LRPPRC: variants seen among roughly 807,000 people sequenced by gnomAD.
LRPPRC encodes leucine-rich PPR motif-containing protein, mitochondrial.
A neutral mutation model predicts 180.3 loss-of-function variants in LRPPRC; 120 were observed. The observed-to-expected ratio is 0.67, with a 90% CI of 0.57 to 0.77. The LOEUF (loss-of-function observed/expected upper bound fraction) is 0.77. LRPPRC is among the 30% of genes least tolerant of loss of function. The probability of loss-of-function intolerance (pLI) is 0.00; values close to 1 mark genes in which losing one functional copy is unlikely to be tolerated. For synonymous variants in LRPPRC, 723 were observed against 600.0 expected, an observed-to-expected ratio of 1.21 and a Z score of -3.00; for missense variants, 2,012 against 1,657.2, an observed-to-expected ratio of 1.21 and a Z score of -3.72.
rs958259453 is a variant in LRPPRC at position 43,888,344 on chromosome 2, A to C, written c.*256T>G. Reference sequence around the variant, plus strand: ...GGAAACCAAAGAGCCAATTAGGGGAAGAATCCTGAAAAAGTATGGCTTCAC... The same window carrying C: ...GGAAACCAAAGAGCCAATTAGGGGACGAATCCTGAAAAAGTATGGCTTCAC... On this transcript the variant is annotated 3_prime_UTR_variant, in exon 38 of 38. Transcript: ENST00000260665. 2.6e-5 allele frequency: 10 copies of C among 391,302 alleles called. No individual in the cohort carries two copies. Among genetic ancestry groups the C allele is most frequent in the Non-Finnish European group, 4.7e-5 (10 of 211,792 alleles). The allele number at this position is 391,302 out of a possible 1,614,324, so 24.2% of individuals were successfully genotyped here.
At chr2:43,968,476 A>G (rs1673655191) in intron 11 of LRPPRC, among the ~76,000 whole-genome samples, 1 of 152,246 alleles carries the variant, frequency 6.6e-6, no homozygotes, top group Non-Finnish European at 1.5e-5. Context: ...CAACAGAACT[A>G]TAACATTCTG....
chr2:43,987,043 A>G (rs1425847619), intron 1 of LRPPRC, among the ~76,000 whole-genome samples: 1 of 152,166 alleles, frequency 6.6e-6, no homozygotes, highest in Non-Finnish European at 1.5e-5. Flanking sequence ...GCCTGTTGAT[A>G]CGCTGGATCA....
chr2:43,981,450 G>C (rs912542606), intron 2 of LRPPRC, among the ~76,000 whole-genome samples: 5 of 152,114 alleles, frequency 3.3e-5, no homozygotes, highest in African/African-American at 9.7e-5. Flanking sequence ...CACGAGGTCA[G>C]GAGTTCGAGA....
In LRPPRC at chr2:43,957,637, C is replaced by T. The variant is rs1039505403; in HGVS notation, c.1583-186G>A. 3.9e-5 allele frequency among the ~76,000 whole-genome samples: 6 copies of T among 152,088 alleles called. No homozygotes were observed. In the East Asian group the frequency reaches 9.6e-4, roughly 24 times the overall value. ...TAATATATATCTGCAATATAAGCTACCCTTTTAACGTATTTTTAATTTTCA... is the reference window on the plus strand; with the variant it reads ...TAATATATATCTGCAATATAAGCTATCCTTTTAACGTATTTTTAATTTTCA... On this transcript the variant is annotated intron_variant, in intron 13 of 37. Transcript: ENST00000260665.
intron 30 of LRPPRC, among the ~76,000 whole-genome samples, chr2:43,907,314 G>C (rs918687664): frequency 2.6e-5 from 4 of 152,140 alleles, no homozygotes; most frequent in Non-Finnish European, 4.4e-5. Context: ...TGTAGAAACT[G>C]ACCAATTACA....
In LRPPRC at chr2:43,934,262, C is replaced by A. The variant is rs1672191889; in HGVS notation, c.2664G>T (p.Met888Ile). The change falls in exon 25 of 38, where the codon ATG becomes ATT. Residue 888 changes from methionine to isoleucine, a missense_variant. Met to Ile is a conservative substitution (Grantham distance 10). Coordinates refer to ENST00000260665, the MANE Select transcript of LRPPRC (RefSeq NM_133259.4). The part of the protein sequence containing the change: ...MDFVSQEQGE[M>I]VMLYDLFFAF... ...CAAAGAAGAGATCATAGAGCATCAC[C>A]ATTTCACCTTGTTCTTGGCTCACAA... 6.2e-7 allele frequency: 1 copy of A among 1,610,670 alleles called. No individual in the cohort carries two copies. Among genetic ancestry groups the A allele is most frequent in the Non-Finnish European group, 8.5e-7 (1 of 1,177,598 alleles).
chr2:43,963,600 T>A lies in LRPPRC; in HGVS notation c.1476A>T (p.Arg492=), dbSNP rs2103672743. 1 of 1,595,006 alleles carries A rather than the reference T, an allele frequency of 6.3e-7. No homozygotes were observed. The highest frequency in any genetic ancestry group is 8.6e-7 in the Non-Finnish European group (1 of 1,162,778). Residue 492 remains arginine, a synonymous_variant, in exon 12 of 38, where the codon CGA becomes CGT. Coordinates refer to ENST00000260665, the MANE Select transcript of LRPPRC (RefSeq NM_133259.4). The part of the protein sequence containing the change: ...IPCFDSVNSA[R]AILQENGCLS... Reference sequence around the variant, plus strand: ...CACTTGTACTCACCTGCAAAATGGCTCGTGCTGAGTTTACACTATCAAAGC... The same window carrying A: ...CACTTGTACTCACCTGCAAAATGGCACGTGCTGAGTTTACACTATCAAAGC...
chr2:43,933,853 C>A lies in LRPPRC; in HGVS notation c.2736+337G>T, dbSNP rs957973066. Reference sequence around the variant, plus strand: ...CCACTGCTTTTAAGAACAAAGAATTCTTTGGCAAAGAGGATTAGCAACTTT... The same window carrying A: ...CCACTGCTTTTAAGAACAAAGAATTATTTGGCAAAGAGGATTAGCAACTTT... On this transcript the variant is annotated intron_variant, in intron 25 of 37. Transcript: ENST00000260665. Among the ~76,000 whole-genome samples, 2 of 152,150 alleles carry A rather than the reference C, an allele frequency of 1.3e-5. 1 individual carries two copies. The highest frequency in any genetic ancestry group is 1.3e-4 in the Admixed American group (2 of 15,282).
chr2:43,975,422 A>T (rs1674011789), intron 6 of LRPPRC, among the ~76,000 whole-genome samples: 1 of 152,214 alleles, frequency 6.6e-6, no homozygotes, highest in African/African-American at 2.4e-5. Flanking sequence ...TTAAAAAATA[A>T]TAATAATTAC....
Position 43,995,894 on chromosome 2 carries a change from C to G in LRPPRC, c.54G>C (p.Pro18=), listed in dbSNP as rs1178603088. The change falls in exon 1 of 38, where the codon CCG becomes CCC. Residue 18 remains proline (P), a synonymous_variant. Transcript: ENST00000260665. ...GGAGGCGCAGGGAGAGCGGGAGGCG[C>G]GGGGCCGCCCCGGCACGCAGCAACC... ...ARWLLRAGAA[P]RLPLSLRLLP... is the part of the protein sequence containing the mutation. 1.3e-6 allele frequency: 2 copies of G among 1,510,336 alleles called. No homozygotes were observed. Among genetic ancestry groups the G allele is most frequent in the Non-Finnish European group, 8.8e-7 (1 of 1,137,114 alleles). 93.6% of individuals were successfully genotyped at this position (1,510,336 alleles called of 1,614,324 possible).
At chr2:43,933,244 T>C (rs912478843) in intron 25 of LRPPRC, among the ~76,000 whole-genome samples, 11 of 152,158 alleles carry the variant, frequency 7.2e-5, no homozygotes, top group Non-Finnish European at 1.5e-5. Context: ...ACCGTTCTCT[T>C]CTTCAAAAAA....
At chr2:43,950,899 G>A (rs140650696) in intron 14 of LRPPRC, among the ~76,000 whole-genome samples, 3 of 152,112 alleles carry the variant, frequency 2.0e-5, no homozygotes, top group South Asian at 2.1e-4. Flanking sequence ...GTGAAATCCC[G>A]TCTCCACTAG....
chr2:43,986,017 G>A (rs191424953), intron 1 of LRPPRC, among the ~76,000 whole-genome samples: 11 of 152,264 alleles, frequency 7.2e-5, no homozygotes, highest in Non-Finnish European at 1.5e-5. Flanking sequence ...TCCGATAGTG[G>A]TATCTCATTG....
chr2:43,922,741 C>T (rs1279596196), intron 27 of LRPPRC, among the ~76,000 whole-genome samples: 2 of 152,092 alleles, frequency 1.3e-5, no homozygotes, highest in Admixed American at 6.5e-5. Flanking sequence ...ACAGCAAGAC[C>T]CAATTCATAT....
chr2:43,934,660 C>T, intron 24 of LRPPRC, 94 bp downstream of exon 24: 1 of 1,058,044 alleles, frequency 9.5e-7, no homozygotes, highest in Non-Finnish European at 1.4e-6. Flanking sequence ...TCTGAATGTG[C>T]TGGCCTTCTG....
chr2:43,956,817 G>A (rs1404886945), intron 14 of LRPPRC, among the ~76,000 whole-genome samples: 2 of 152,128 alleles, frequency 1.3e-5, no homozygotes, highest in African/African-American at 4.8e-5. Flanking sequence ...CTGAACCCAG[G>A]AGGCGGACGT....
At chr2:43,963,370 G>T in intron 12 of LRPPRC, 1 of 609,720 alleles carries the variant, frequency 1.6e-6, no homozygotes, top group Non-Finnish European at 2.9e-6. Flanking sequence ...CTTGAACCCA[G>T]GAGGCAAAGG....
chr2:43,923,315 C>A (rs1436080976), intron 27 of LRPPRC, among the ~76,000 whole-genome samples: 1 of 150,976 alleles, frequency 6.6e-6, no homozygotes, highest in African/African-American at 2.4e-5. Flanking sequence ...CCCGTCTCCA[C>A]AAAAAGTTAA....
At position 43,893,007 on chromosome 2, in the gene LRPPRC, T is replaced by C. The variant is rs560974788; in HGVS notation, c.3985+1538A>G. On this transcript the variant is annotated intron_variant, in intron 36 of 37. Transcript: ENST00000260665. ...AGAAGCTGATTTCAACCCTCATGGATGAACCCCTTGAGGGTCTCAAGATTT... is the reference window on the plus strand; with the variant it reads ...AGAAGCTGATTTCAACCCTCATGGACGAACCCCTTGAGGGTCTCAAGATTT... Among the ~76,000 whole-genome samples the C allele has an allele frequency of 3.3e-5, 5 of 152,328 alleles. No homozygotes were observed. The East Asian group carries it at 9.6e-4, about 29-fold the overall frequency.
Sources: allele counts gnomAD v4.1 joint callset (sites outside exome capture counted in the v4.1 genomes callset), GRCh38; gene constraint gnomAD v4.1.1; transcripts MANE v1.5; gene names NCBI Gene and HGNC (gene_info 2026-07-23, HGNC 2026-07-21).